Variants in KHDRBS2 observed in about 807,000 individuals in gnomAD.
The protein encoded by KHDRBS2 is KH domain-containing, RNA-binding, signal transduction-associated protein 2.
KHDRBS2 carries 26 observed loss-of-function variants against 44.3 expected under a neutral mutation model. That is an observed-to-expected ratio of 0.59 (90% confidence interval 0.43 to 0.81). The LOEUF (loss-of-function observed/expected upper bound fraction) is 0.81. Ranked by LOEUF, KHDRBS2 falls within the 40% of genes least tolerant of loss-of-function variation. The probability of loss-of-function intolerance (pLI) is 0.00; values close to 1 mark genes in which losing one functional copy is unlikely to be tolerated. For missense variants in KHDRBS2, 476 were observed against 433.1 expected (o/e 1.10, Z -0.88); for synonymous variants, 194 against 151.1 (o/e 1.28, Z -2.08).
chr6:61,953,842 G>A (rs1249090826), intron 4 of KHDRBS2, among the ~76,000 whole-genome samples: 4 of 152,062 alleles, frequency 2.6e-5, no homozygotes, highest in Admixed American at 6.6e-5. Flanking sequence ...TGAGGGGAAG[G>A]GCATGGGCCC....
chr6:61,955,129 C>T (rs1766339605), intron 4 of KHDRBS2, among the ~76,000 whole-genome samples: 1 of 141,950 alleles, frequency 7.0e-6, no homozygotes, highest in African/African-American at 2.6e-5. Flanking sequence ...TATATGTATA[C>T]ATATGTATAT....
chr6:61,636,559 C>A, the KHDRBS2 span, among the ~76,000 whole-genome samples: 1 of 152,032 alleles, frequency 6.6e-6, no homozygotes, highest in Admixed American at 6.6e-5. Flanking sequence ...CACTCAGCTC[C>A]CAGGGGACAT....
intron 3 of KHDRBS2, among the ~76,000 whole-genome samples, chr6:62,036,636 AGT>A (rs1196485214): frequency 1.3e-5 from 2 of 152,016 alleles, no homozygotes; most frequent in Non-Finnish European, 2.9e-5. Flanking sequence ...GGCTTGGAAA[AGT>A]GTATTTCTTC....
intron 4 of KHDRBS2, among the ~76,000 whole-genome samples, chr6:61,905,437 G>A (rs1804793621): frequency 6.6e-6 from 1 of 150,774 alleles, no homozygotes; most frequent in South Asian, 2.1e-4. Flanking sequence ...ATTAGCCAGA[G>A]AAAAAGAGGA....
intron 6 of KHDRBS2, among the ~76,000 whole-genome samples, chr6:61,892,328 A>G (rs2127329277): frequency 6.6e-6 from 1 of 152,346 alleles, no homozygotes; most frequent in Non-Finnish European, 1.5e-5. Flanking sequence ...CATACTGTCC[A>G]AGGTAATTTA....
chr6:61,791,850 T>C (rs549608175), intron 6 of KHDRBS2, among the ~76,000 whole-genome samples: 1 of 151,502 alleles, frequency 6.6e-6, no homozygotes, highest in East Asian at 1.9e-4. Context: ...ATATAAATAT[T>C]TCCTATTACT....
intron 2 of KHDRBS2, among the ~76,000 whole-genome samples, chr6:62,062,515 C>T (rs896559855): frequency 4.1e-4 from 63 of 152,046 alleles, no homozygotes; most frequent in African/African-American, 1.4e-3. Context: ...GAACAACCTG[C>T]TCCTGAATGA....
chr6:61,975,923 T>C (rs1403454428), intron 4 of KHDRBS2, among the ~76,000 whole-genome samples: 4 of 152,242 alleles, frequency 2.6e-5, no homozygotes, highest in African/African-American at 9.6e-5. Context: ...GAAACAGCCA[T>C]GTCAACACTT....
chr6:61,683,975 T>G (rs1339987745), intron 8 of KHDRBS2, among the ~76,000 whole-genome samples: 5 of 151,970 alleles, frequency 3.3e-5, no homozygotes, highest in Non-Finnish European at 7.4e-5. Flanking sequence ...TTATTTCACT[T>G]AATTCAGACC....
intron 2 of KHDRBS2, among the ~76,000 whole-genome samples, chr6:62,154,859 A>G (rs1355886673): frequency 6.6e-6 from 1 of 152,232 alleles, no homozygotes; most frequent in African/African-American, 2.4e-5. Context: ...CAAAACAGGT[A>G]AGTGACTAAT....
chr6:61,669,239 G>A, the KHDRBS2 span, among the ~76,000 whole-genome samples: 1 of 150,876 alleles, frequency 6.6e-6, no homozygotes, highest in African/African-American at 2.4e-5. Context: ...GTCTTGACAG[G>A]TAGTATGCAC....
chr6:62,185,623 T>G (rs982102504), intron 1 of KHDRBS2, among the ~76,000 whole-genome samples: 4 of 152,038 alleles, frequency 2.6e-5, no homozygotes, highest in African/African-American at 9.7e-5. Context: ...AGACATTAAC[T>G]GCTAGACAAT....
chr6:61,563,621 G>T, the KHDRBS2 span, among the ~76,000 whole-genome samples: 1 of 152,000 alleles, frequency 6.6e-6, no homozygotes, highest in South Asian at 2.1e-4. Flanking sequence ...GATGGAATAT[G>T]GATTTATAGG....
intron 7 of KHDRBS2, among the ~76,000 whole-genome samples, chr6:61,714,623 T>C (rs1310767921): frequency 6.6e-6 from 1 of 151,838 alleles, no homozygotes; most frequent in Non-Finnish European, 1.5e-5. Context: ...CACTATTCAC[T>C]ATAGCAAAGA....
the KHDRBS2 span, among the ~76,000 whole-genome samples, chr6:61,637,866 CTTTTTGATGGGGGTG>C: frequency 3.3e-5 from 5 of 152,076 alleles, no homozygotes; most frequent in African/African-American, 1.2e-4. Context: ...CCTTTGCCCA[CTTTTTGATGGGGGTG>C]TTTGTTTTTT....
intron 1 of KHDRBS2, among the ~76,000 whole-genome samples, chr6:62,199,037 GCC>G (rs1826321034): frequency 6.6e-6 from 1 of 152,034 alleles, no homozygotes; most frequent in Non-Finnish European, 1.5e-5. Flanking sequence ...AAATTCAACA[GCC>G]CTTCATGCTA....
At chr6:62,211,429 T>C (rs945062760) in intron 1 of KHDRBS2, among the ~76,000 whole-genome samples, 1 of 152,168 alleles carries the variant, frequency 6.6e-6, no homozygotes, top group African/African-American at 2.4e-5. Flanking sequence ...GATAACATGA[T>C]TTCTGGTTGA....
intron 2 of KHDRBS2, among the ~76,000 whole-genome samples, chr6:62,077,552 G>C (rs1200978897): frequency 1.3e-5 from 2 of 152,028 alleles, no homozygotes; most frequent in African/African-American, 2.4e-5. Context: ...AGTCCAGTAA[G>C]ATAGGAGCCT....
intron 2 of KHDRBS2, among the ~76,000 whole-genome samples, chr6:62,059,388 T>A (rs1019625197): frequency 5.3e-5 from 8 of 150,712 alleles, no homozygotes; most frequent in Non-Finnish European, 1.0e-4. Context: ...AGTTGTTTGG[T>A]GTAAGCTCGA....
Sources: gnomAD v4.1 joint callset for allele counts (sites outside exome capture counted in the v4.1 genomes callset) on GRCh38, gnomAD v4.1.1 for gene constraint, MANE v1.5 for transcripts, NCBI Gene and HGNC (gene_info 2026-07-23, HGNC 2026-07-21) for gene names.